The following NXPE4 variants were observed in gnomAD, a reference collection of about 807,000 sequenced individuals.
NXPE4 encodes the protein NXPE family member 4.
NXPE4 carries 42 observed loss-of-function variants against 33.3 expected under a neutral mutation model. The observed-to-expected ratio is 1.26, with a 90% confidence interval of 0.98 to 1.63. The LOEUF (loss-of-function observed/expected upper bound fraction) is 1.63, where lower values mean the gene tolerates loss of function less well. Ranked by LOEUF, NXPE4 falls within the 40% of genes most tolerant of loss-of-function variation. NXPE4 has a pLI of 0.00. For missense variants in NXPE4, 709 were observed against 647.6 expected (o/e 1.09, Z -1.03); for synonymous variants, 253 against 234.9 (o/e 1.08, Z -0.71).
At chr11:114,650,761 A>G in the NXPE4 span, among the ~76,000 whole-genome samples, 4 of 152,252 alleles carry the variant, frequency 2.6e-5, no homozygotes, top group African/African-American at 9.6e-5. Flanking sequence ...GGTTGCCACA[A>G]GAAGGAGGAG....
At chr11:114,647,865 C>A in the NXPE4 span, among the ~76,000 whole-genome samples, 56 of 152,070 alleles carry the variant, frequency 3.7e-4, no homozygotes, top group Non-Finnish European at 7.4e-4. Context: ...CTGTGCATGG[C>A]TAAGTTTTGT....
chr11:114,675,385 A>C, the NXPE4 span, among the ~76,000 whole-genome samples: 1 of 151,814 alleles, frequency 6.6e-6, no homozygotes. Context: ...TGCCAGTGAC[A>C]GGAGCTTATA....
chr11:114,627,956 A>G, the NXPE4 span, among the ~76,000 whole-genome samples: 4 of 152,096 alleles, frequency 2.6e-5, no homozygotes, highest in Admixed American at 1.3e-4. Context: ...GATCAACTCA[A>G]CAAGAAGAGC....
At chr11:114,675,101 T>A in the NXPE4 span, among the ~76,000 whole-genome samples, 3 of 151,696 alleles carry the variant, frequency 2.0e-5, no homozygotes, top group Admixed American at 2.0e-4. Flanking sequence ...ATTCAATGTC[T>A]TTTCATGAGA....
At chr11:114,633,234 G>GT in the NXPE4 span, among the ~76,000 whole-genome samples, 1 of 130,448 alleles carries the variant, frequency 7.7e-6, no homozygotes, top group Non-Finnish European at 1.5e-5. Flanking sequence ...ATAAATATAT[G>GT]TAACATATAA....
chr11:114,634,778 A>C, the NXPE4 span, among the ~76,000 whole-genome samples: 1 of 151,902 alleles, frequency 6.6e-6, no homozygotes, highest in Non-Finnish European at 1.5e-5. Context: ...AGTTGTAGAT[A>C]TGTGGCATTA....
At chr11:114,571,500 T>C (rs1393082120) in intron 5 of NXPE4, 27 bp from the exon 6 acceptor site, 9 of 1,556,468 alleles carry the variant, frequency 5.8e-6, no homozygotes, top group Non-Finnish European at 7.8e-6. Context: ...AATCCCAAAA[T>C]AAAAGGAGGA....
the NXPE4 span, among the ~76,000 whole-genome samples, chr11:114,658,506 G>C: frequency 6.6e-6 from 1 of 152,082 alleles, no homozygotes; most frequent in Non-Finnish European, 1.5e-5. Flanking sequence ...GCCTGGAGGG[G>C]GAGGGTAGCT....
chr11:114,601,914 TTA>T, the NXPE4 span, among the ~76,000 whole-genome samples: 7 of 39,786 alleles, frequency 1.8e-4, no homozygotes, highest in Admixed American at 2.0e-3. Context: ...TATTATATAA[TTA>T]TATATAATAT....
the NXPE4 span, among the ~76,000 whole-genome samples, chr11:114,630,459 T>C: frequency 2.6e-5 from 4 of 151,632 alleles, no homozygotes; most frequent in East Asian, 1.9e-4. Flanking sequence ...CTGGGAAAAC[T>C]GGCTAGCCAT....
upstream of NXPE4, among the ~76,000 whole-genome samples, chr11:114,598,674 C>T (rs148009848): frequency 5.9e-5 from 9 of 151,844 alleles, no homozygotes; most frequent in African/African-American, 1.9e-4. Flanking sequence ...CCTCTTTGAG[C>T]CATGGCTGGA....
rs369071049 is a variant in NXPE4 at position 114,582,719 on chromosome 11, A to G, written c.399T>C (p.Tyr133=). The G allele has an allele frequency of 4.3e-6, 7 of 1,613,998 alleles. No homozygotes were observed. The African/African-American group carries it at 6.7e-5, about 15-fold the overall frequency. The change falls in exon 3 of 6, where the codon TAT becomes TAC. Residue 133 remains tyrosine, a synonymous_variant. Coordinates refer to ENST00000375478, the MANE Select transcript of NXPE4 (RefSeq NM_001077639.2). ...VRDHLGRRKQ[Y]GGDFLRARMS... ...TCCTGGCCCTCAGGAAATCCCCGCCATATTGCTTCCTGCGTCCCAAGTGGT... is the reference window on the plus strand; with the variant it reads ...TCCTGGCCCTCAGGAAATCCCCGCCGTATTGCTTCCTGCGTCCCAAGTGGT...
chr11:114,576,148 A>G (rs745657661), intron 5 of NXPE4, among the ~76,000 whole-genome samples: 16 of 152,156 alleles, frequency 1.1e-4, no homozygotes, highest in Admixed American at 2.0e-4. Context: ...GGCAAGCCAC[A>G]TATAAAAGAA....
chr11:114,580,100 G>A (rs1337497625), intron 5 of NXPE4, 32 bp downstream of exon 5: 3 of 1,534,674 alleles, frequency 2.0e-6, no homozygotes, highest in African/African-American at 2.7e-5. Context: ...TTTCTGAAAG[G>A]GGTAAGAATT....
At chr11:114,595,054 G>A (rs868173995) in intron 1 of NXPE4, among the ~76,000 whole-genome samples, 1 of 152,048 alleles carries the variant, frequency 6.6e-6, no homozygotes, top group Non-Finnish European at 1.5e-5. Context: ...AAGCTTGCTC[G>A]TGTCTAGATG....
the NXPE4 span, among the ~76,000 whole-genome samples, chr11:114,633,186 A>T: frequency 7.8e-6 from 1 of 128,394 alleles, no homozygotes; most frequent in African/African-American, 3.0e-5. Context: ...ATATGATTAT[A>T]TTTTATTATG....
chr11:114,651,421 T>G, the NXPE4 span, among the ~76,000 whole-genome samples: 1 of 152,082 alleles, frequency 6.6e-6, no homozygotes, highest in Non-Finnish European at 1.5e-5. Flanking sequence ...CTGCAAACGT[T>G]TGCGGTGAGT....
the NXPE4 span, among the ~76,000 whole-genome samples, chr11:114,608,170 A>G: frequency 6.6e-6 from 1 of 151,912 alleles, no homozygotes; most frequent in African/African-American, 2.4e-5. Flanking sequence ...TGTGGATAAT[A>G]AGTATTGCCT....
chr11:114,625,667 A>C, the NXPE4 span, among the ~76,000 whole-genome samples: 2 of 152,020 alleles, frequency 1.3e-5, no homozygotes, highest in African/African-American at 4.8e-5. Context: ...CCTCTCAGGG[A>C]GGAGCCAAGA....
Sources: gnomAD v4.1 joint callset for allele counts (sites outside exome capture counted in the v4.1 genomes callset) on GRCh38, gnomAD v4.1.1 for gene constraint, MANE v1.5 for transcripts, NCBI Gene and HGNC (gene_info 2026-07-23, HGNC 2026-07-21) for gene names.